Variants in NTN1 observed in about 807,000 individuals in gnomAD.
NTN1 encodes the protein netrin-1.
NTN1 carries 11 observed loss-of-function variants against 54.2 expected under a neutral mutation model. The observed-to-expected ratio is 0.20, with a 90% CI of 0.13 to 0.34. The LOEUF (loss-of-function observed/expected upper bound fraction) is 0.34, where lower values mean the gene tolerates loss of function less well. NTN1 is among the 10% of genes least tolerant of loss of function. The probability of loss-of-function intolerance (pLI) is 1.00; values close to 1 mark genes in which losing one functional copy is unlikely to be tolerated. For synonymous variants in NTN1, 371 were observed against 382.0 expected, an observed-to-expected ratio of 0.97 and a Z score of 0.33; for missense variants, 740 against 893.1, an observed-to-expected ratio of 0.83 and a Z score of 2.18.
chr17:9,168,199 TTGA>T (rs2142304343), intron 3 of NTN1, among the ~76,000 whole-genome samples: 1 of 152,338 alleles, frequency 6.6e-6, no homozygotes, highest in East Asian at 1.9e-4. Flanking sequence ...TATGATTATC[TTGA>T]TGATAACTGG....
rs2092205488 is a variant in NTN1, at chr17:9,114,882, G to A, written c.1019-47931G>A. On this transcript the variant is annotated intron_variant, in intron 2 of 6. Coordinates refer to ENST00000173229, the MANE Select transcript of NTN1 (RefSeq NM_004822.3). ...GTTTCTACTGACCTGCAGAGTTTAT[G>A]AAACTGCTGTTCCCATCTGTCTGTT... Among the ~76,000 whole-genome samples, 4 of 152,210 alleles carry A rather than the reference G, an allele frequency of 2.6e-5. No individual in the cohort carries two copies. The South Asian group carries it at 8.3e-4, about 32-fold the overall frequency.
chr17:9,226,423 GT>G (rs1905553078), intron 6 of NTN1, among the ~76,000 whole-genome samples: 1 of 104,734 alleles, frequency 9.5e-6, no homozygotes, highest in African/African-American at 4.9e-5. Flanking sequence ...TGGGGAGGCG[GT>G]CTCGTGGGGA....
At chr17:9,173,065 G>A (rs929756857) in intron 3 of NTN1, 3 of 152,128 alleles carry the variant, frequency 2.0e-5, no homozygotes, top group Non-Finnish European at 4.4e-5. Flanking sequence ...GGGCCTCCTT[G>A]TTCCCCATCT....
chr17:9,150,739 T>C (rs1319327332), intron 2 of NTN1, among the ~76,000 whole-genome samples: 1 of 150,500 alleles, frequency 6.6e-6, no homozygotes, highest in Non-Finnish European at 1.5e-5. Context: ...GGGGGAGGCA[T>C]AGCAGCCAAA....
intron 2 of NTN1, among the ~76,000 whole-genome samples, chr17:9,114,166 A>AATATATATATATATATATAT (rs34188198): frequency 2.0e-4 from 15 of 74,576 alleles, no homozygotes; most frequent in Non-Finnish European, 3.0e-4. Context: ...AAAAAAAAAA[A>AATATATATATATATATATAT]ATATATATAT....
chr17:9,184,583 G>C (rs2092427766), intron 5 of NTN1, among the ~76,000 whole-genome samples: 1 of 152,216 alleles, frequency 6.6e-6, no homozygotes, highest in Non-Finnish European at 1.5e-5. Flanking sequence ...GCGGGGGGCT[G>C]AGGCTTCCGA....
chr17:9,026,439 A>G (rs1206153350), intron 2 of NTN1, among the ~76,000 whole-genome samples: 1 of 151,940 alleles, frequency 6.6e-6, no homozygotes, highest in Non-Finnish European at 1.5e-5. Context: ...AGACAAGACG[A>G]TGTATAATGT....
chr17:9,189,852 A>C (rs1296044051), intron 5 of NTN1, among the ~76,000 whole-genome samples: 1 of 152,156 alleles, frequency 6.6e-6, no homozygotes, highest in Non-Finnish European at 1.5e-5. Context: ...TGTTTGGCTC[A>C]TGGAGCTGGC....
rs1367425687 is a variant in NTN1 at position 9,212,099 on chromosome 17, AG to A, written c.1412-9066del. On this transcript the variant is annotated intron_variant, in intron 5 of 6. Transcript: ENST00000173229. This position sits in a 1 kb window ranked among gnomAD's most constrained non-coding sequence, Gnocchi z 5.5. ...TTGCTTTTGAGGCAGGTAGGGCTTGAGGGTGATGGATTGGGTCAGCGAGACT... is the reference window on the plus strand; with the variant it reads ...TTGCTTTTGAGGCAGGTAGGGCTTGAGGTGATGGATTGGGTCAGCGAGACT... Among the ~76,000 whole-genome samples the A allele has an allele frequency of 2.0e-5, 3 of 152,180 alleles. No homozygotes were observed. Among genetic ancestry groups the A allele is most frequent in the Non-Finnish European group, 4.4e-5 (3 of 68,022 alleles).
intron 2 of NTN1, among the ~76,000 whole-genome samples, chr17:9,151,808 G>T (rs1202147424): frequency 2.0e-5 from 3 of 152,188 alleles, no homozygotes. Context: ...TGTCTTACAA[G>T]AGGATTGTAA....
chr17:9,070,484 C>T (rs1473799412), intron 2 of NTN1, among the ~76,000 whole-genome samples: 2 of 152,144 alleles, frequency 1.3e-5, no homozygotes. Flanking sequence ...ACCCCCGAGA[C>T]TTTGGAAAAG....
At chr17:9,094,884 G>A (rs2092125026) in intron 2 of NTN1, among the ~76,000 whole-genome samples, 1 of 151,602 alleles carries the variant, frequency 6.6e-6, no homozygotes, top group Non-Finnish European at 1.5e-5. Context: ...AGCTACTCAG[G>A]AGGCTGAGGC....
At chr17:9,208,434 T>A (rs1316090632) in intron 5 of NTN1, among the ~76,000 whole-genome samples, 10 of 152,172 alleles carry the variant, frequency 6.6e-5, no homozygotes, top group African/African-American at 2.4e-4. Context: ...GTGGGTTCGC[T>A]GAGCAGTCAG....
chr17:9,028,804 G>T (rs542788062), intron 2 of NTN1, among the ~76,000 whole-genome samples: 1 of 152,136 alleles, frequency 6.6e-6, no homozygotes. Flanking sequence ...TGTTACTCAT[G>T]TTATCTTGAT....
At position 9,022,667 on chromosome 17, in the gene NTN1, C is replaced by T; in HGVS notation, c.294C>T (p.Asp98=). Residue 98 remains aspartate, a synonymous_variant, in exon 2 of 7, where the codon GAC becomes GAT. Coordinates refer to ENST00000173229, the MANE Select transcript of NTN1 (RefSeq NM_004822.3). The part of the protein sequence containing the change: ...LRSCHLCNAS[D]PKKAHPPAFL... ...CGTGCCACCTCTGCAACGCGTCCGACCCCAAGAAGGCGCACCCGCCCGCCT... is the reference window on the plus strand; with the variant it reads ...CGTGCCACCTCTGCAACGCGTCCGATCCCAAGAAGGCGCACCCGCCCGCCT... 1 of 1,574,224 alleles carries T rather than the reference C, an allele frequency of 6.4e-7. No homozygotes were observed. The highest frequency in any genetic ancestry group is 8.6e-7 in the Non-Finnish European group (1 of 1,161,376).
rs1011730607 is a variant in NTN1, at chr17:9,076,551, T to A, written c.1018+53160T>A. Among the ~76,000 whole-genome samples the A allele has an allele frequency of 3.3e-5, 5 of 152,026 alleles. No homozygotes were observed. The East Asian group carries it at 9.7e-4, about 29-fold the overall frequency. ...GCATGCTCAGTGAATTTTTCAAATT[T>A]TTTTGTGGAGATAGGGGTCTCTCTA... On this transcript the variant is annotated intron_variant, in intron 2 of 6. Transcript: ENST00000173229.
At chr17:9,187,334 C>T (rs1007842535) in intron 5 of NTN1, among the ~76,000 whole-genome samples, 13 of 152,062 alleles carry the variant, frequency 8.5e-5, no homozygotes, top group Non-Finnish European at 1.9e-4. Flanking sequence ...GGGCTTGTCA[C>T]AGCCTTCCAG....
chr17:9,034,183 T>C (rs1309469862), intron 2 of NTN1, among the ~76,000 whole-genome samples: 1 of 152,076 alleles, frequency 6.6e-6, no homozygotes, highest in Non-Finnish European at 1.5e-5. Flanking sequence ...CAAGACCACC[T>C]TGATAGATTG....
At chr17:9,003,637 G>C in the NTN1 span, among the ~76,000 whole-genome samples, 1 of 148,042 alleles carries the variant, frequency 6.8e-6, no homozygotes, top group Admixed American at 6.7e-5. The surrounding 1 kb of genome is among the most constrained non-coding windows in gnomAD (Gnocchi z 7.4). Context: ...CGGCCCCCTC[G>C]GCGCTGCACC....
Sources: allele counts gnomAD v4.1 joint callset (sites outside exome capture counted in the v4.1 genomes callset), GRCh38; gene constraint gnomAD v4.1.1; non-coding constraint Gnocchi (gnomAD v3.1); transcripts MANE v1.5; gene names NCBI Gene and HGNC (gene_info 2026-07-23, HGNC 2026-07-21).